Variants in PSPC1 observed in about 807,000 individuals in gnomAD.
PSPC1 encodes paraspeckle protein 1.
In PSPC1, 14 loss-of-function variants were observed where a neutral mutation model predicts 51.6. The ratio of observed to expected loss-of-function variants is 0.27; its 90% CI spans 0.18 to 0.42. The LOEUF (loss-of-function observed/expected upper bound fraction) is 0.42, where lower values mean the gene tolerates loss of function less well. Among genes scored for constraint, PSPC1 ranks in the 10% least tolerant of loss-of-function variants. PSPC1 has a pLI of 1.00. For synonymous variants in PSPC1, 193 were observed against 231.9 expected, an observed-to-expected ratio of 0.83 and a Z score of 1.53; for missense variants, 406 against 701.1, an observed-to-expected ratio of 0.58 and a Z score of 4.75.
rs955384688 is a variant in PSPC1 at position 19,766,382 on chromosome 13, T to TATCA, written c.674+5856_674+5859dup. 7.2e-4 allele frequency among the ~76,000 whole-genome samples: 110 copies of TATCA among 152,118 alleles called. 1 individual carries two copies. Among genetic ancestry groups the TATCA allele is most frequent in the Admixed American group, 4.7e-3 (72 of 15,248 alleles). On this transcript the variant is annotated intron_variant, in intron 2 of 8. Transcript: ENST00000338910. ...AGTGAGACCCTGTCTCAAATCAATC[T>TATCA]ATCAATCAATCAATCAATCAATCCT...
At chr13:19,709,640 T>C (rs767066613) in intron 6 of PSPC1, 41 bp from the exon 7 acceptor site, 6 of 1,343,332 alleles carry the variant, frequency 4.5e-6, no homozygotes, top group Non-Finnish European at 6.2e-6. Context: ...CTATCGATCT[T>C]ATGACTTTAC....
intron 6 of PSPC1, among the ~76,000 whole-genome samples, chr13:19,711,648 A>AG (rs1881447635): frequency 4.7e-5 from 7 of 149,760 alleles, no homozygotes; most frequent in African/African-American, 1.5e-4. Context: ...ATAAAAAAAA[A>AG]AAAAAAAAAA....
At chr13:19,772,202 T>C (rs1277850845) in intron 2 of PSPC1, 40 bp downstream of exon 2, 1 of 1,577,952 alleles carries the variant, frequency 6.3e-7, no homozygotes, top group Non-Finnish European at 8.6e-7. Flanking sequence ...GAAGCCCATA[T>C]GTAACTGGAT....
At chr13:19,741,973 A>G (rs777137628) in intron 4 of PSPC1, among the ~76,000 whole-genome samples, 20 of 151,848 alleles carry the variant, frequency 1.3e-4, no homozygotes, top group Non-Finnish European at 2.6e-4. Flanking sequence ...CTCTACCAAA[A>G]CTACAAAAAT....
intron 5 of PSPC1, among the ~76,000 whole-genome samples, chr13:19,730,967 A>AAAAAAG: frequency 7.1e-6 from 1 of 140,454 alleles, no homozygotes; most frequent in Non-Finnish European, 1.6e-5. Context: ...CAAAAAAACA[A>AAAAAAG]AAAAAAAAAA....
At chr13:19,691,869 G>A (rs1878599033) in intron 6 of PSPC1, among the ~76,000 whole-genome samples, 1 of 152,088 alleles carries the variant, frequency 6.6e-6, no homozygotes, top group Non-Finnish European at 1.5e-5. Context: ...AGTGAGCAGA[G>A]ATTGCACCAC....
At chr13:19,758,841 CAAA>C (rs76319591) in intron 3 of PSPC1, among the ~76,000 whole-genome samples, 1 of 133,192 alleles carries the variant, frequency 7.5e-6, no homozygotes, top group Non-Finnish European at 1.6e-5. Context: ...ATCTCAAAAA[CAAA>C]AAAAAAAAAA....
chr13:19,705,884 T>C, intron 7 of PSPC1, 53 bp from the exon 8 acceptor site: 1 of 1,415,926 alleles, frequency 7.1e-7, no homozygotes, highest in Middle Eastern at 1.9e-4. Flanking sequence ...TAGTAAACAT[T>C]AACAATTTAA....
At chr13:19,779,717 G>A (rs1383292962) in intron 1 of PSPC1, among the ~76,000 whole-genome samples, 11 of 116,424 alleles carry the variant, frequency 9.4e-5, no homozygotes, top group East Asian at 2.9e-4. Flanking sequence ...CAGCCACCCT[G>A]TCTGGGAGGG....
chr13:19,762,309 G>A (rs529107957), intron 2 of PSPC1, among the ~76,000 whole-genome samples: 3 of 152,332 alleles, frequency 2.0e-5, no homozygotes, highest in Non-Finnish European at 2.9e-5. Context: ...TGTAACCCCA[G>A]CACTTTGGGA....
At chr13:19,763,492 T>TGA (rs374123204) in intron 2 of PSPC1, among the ~76,000 whole-genome samples, 10 of 152,234 alleles carry the variant, frequency 6.6e-5, no homozygotes, top group African/African-American at 2.4e-4. Context: ...CTTGAAGGAC[T>TGA]GAGAGAGAGA....
chr13:19,751,253 A>T lies in PSPC1; in HGVS notation c.967+18T>A. The T allele has an allele frequency of 6.6e-7, 1 of 1,508,260 alleles. No individual in the cohort carries two copies. The highest frequency in any genetic ancestry group is 8.8e-7 in the Non-Finnish European group (1 of 1,132,374). The allele number at this position is 1,508,260 out of a possible 1,614,324, so 93.4% of individuals were successfully genotyped here. A position where few individuals can be genotyped will look rare whatever the true frequency, so the allele number is the denominator to read the frequency against. On this transcript the variant is annotated intron_variant, in intron 4 of 8. Coordinates refer to ENST00000338910, the MANE Select transcript of PSPC1 (RefSeq NM_001354909.2). ...AAAAAAAAAATCATACCACATGTAC[A>T]TGAAAATCCATATTTACCTTGCCTC...
chr13:19,744,702 TTA>T (rs1227295781), intron 4 of PSPC1, among the ~76,000 whole-genome samples: 1 of 152,098 alleles, frequency 6.6e-6, no homozygotes, highest in African/African-American at 2.4e-5. Context: ...GTAGCTGGGA[TTA>T]TAGGCGCCCA....
At chr13:19,694,932 A>C (rs1035939179) in intron 6 of PSPC1, among the ~76,000 whole-genome samples, 1 of 152,194 alleles carries the variant, frequency 6.6e-6, no homozygotes, top group African/African-American at 2.4e-5. Context: ...ACATGGTAAG[A>C]TATTATTTGT....
rs1252924405 is a variant in PSPC1 at position 19,702,622 on chromosome 13, T to C, written c.*553A>G. On this transcript the variant is annotated 3_prime_UTR_variant, in exon 9 of 9. Transcript: ENST00000338910. ...TATGAAATGTAGCTGGAAATTCCGA[T>C]TTCACAGAACATCAGTGGTTTATAC... 3 of 152,182 alleles carry C rather than the reference T, an allele frequency of 2.0e-5. No individual in the cohort carries two copies. The highest frequency in any genetic ancestry group is 4.4e-5 in the Non-Finnish European group (3 of 68,038). The allele number at this position is 152,182 out of a possible 1,614,324, so 9.4% of individuals were successfully genotyped here.
intron 6 of PSPC1, among the ~76,000 whole-genome samples, chr13:19,692,603 A>T (rs1251927085): frequency 6.6e-6 from 1 of 152,138 alleles, no homozygotes; most frequent in Non-Finnish European, 1.5e-5. Context: ...AAAGCACTCA[A>T]AACCAAAACA....
chr13:19,781,590 T>TA (rs1003560994), intron 1 of PSPC1, among the ~76,000 whole-genome samples: 11 of 152,150 alleles, frequency 7.2e-5, no homozygotes, highest in Non-Finnish European at 1.6e-4. Context: ...TACATACAAT[T>TA]AAACACTGTC....
chr13:19,774,586 G>A (rs1165832776), intron 1 of PSPC1, among the ~76,000 whole-genome samples: 1 of 151,872 alleles, frequency 6.6e-6, no homozygotes, highest in East Asian at 1.9e-4. Context: ...GATCACTTGA[G>A]GTCAGGAGTT....
At chr13:19,675,308 G>C (rs1010737034) in intron 7 of PSPC1, 7 of 152,176 alleles carry the variant, frequency 4.6e-5, no homozygotes, top group Non-Finnish European at 1.0e-4. Context: ...GAAAAGGAGG[G>C]ATTTCTTGGC....
Sources: allele counts gnomAD v4.1 joint callset (sites outside exome capture counted in the v4.1 genomes callset), GRCh38; gene constraint gnomAD v4.1.1; transcripts MANE v1.5; gene names NCBI Gene and HGNC (gene_info 2026-07-23, HGNC 2026-07-21).